FRS2: variants seen among roughly 807,000 people sequenced by gnomAD.
FRS2 encodes the protein fibroblast growth factor receptor substrate 2, also known as FGFR signalling adaptor.
FRS2 carries 8 observed loss-of-function variants against 43.9 expected under a neutral mutation model. That is an observed-to-expected ratio of 0.18 (90% CI 0.11 to 0.33). FRS2 has a LOEUF of 0.33. Among genes scored for constraint, FRS2 ranks in the 10% least tolerant of loss-of-function variants. FRS2 has a pLI of 1.00. For missense variants in FRS2, 534 were observed against 627.6 expected (o/e 0.85, Z 1.59); for synonymous variants, 219 against 220.3 (o/e 0.99, Z 0.05).
chr12:69,560,429 A>C (rs185497542), intron 3 of FRS2, among the ~76,000 whole-genome samples: 80 of 152,346 alleles, frequency 5.3e-4, no homozygotes, highest in Non-Finnish European at 1.0e-4. Flanking sequence ...TTGTTTTCAC[A>C]GCTAACATGT....
At chr12:69,476,161 G>A (rs891244805) in intron 1 of FRS2, among the ~76,000 whole-genome samples, 1 of 152,144 alleles carries the variant, frequency 6.6e-6, no homozygotes, top group African/African-American at 2.4e-5. Context: ...AAGGTTTGGG[G>A]TACATTCTGC....
chr12:69,482,533 A>T (rs1186377263), intron 1 of FRS2, among the ~76,000 whole-genome samples: 1 of 152,188 alleles, frequency 6.6e-6, no homozygotes, highest in Admixed American at 6.5e-5. Context: ...GTAGATAGTT[A>T]TTGGGAGCCT....
chr12:69,483,947 C>T (rs943537873), intron 1 of FRS2, among the ~76,000 whole-genome samples: 11 of 152,150 alleles, frequency 7.2e-5, no homozygotes, highest in South Asian at 2.1e-4. Flanking sequence ...ACTTACTAGG[C>T]GAGAAAGGTA....
chr12:69,567,903 A>G (rs1263338271), intron 4 of FRS2, among the ~76,000 whole-genome samples: 1 of 152,242 alleles, frequency 6.6e-6, no homozygotes, highest in African/African-American at 2.4e-5. Flanking sequence ...CGGATCTATC[A>G]TACTGAAGAG....
intron 3 of FRS2, among the ~76,000 whole-genome samples, chr12:69,552,045 C>A (rs1005439815): frequency 6.6e-6 from 1 of 151,912 alleles, no homozygotes; most frequent in Non-Finnish European, 1.5e-5. Flanking sequence ...GTGGCTCATG[C>A]CTGTAATCCC....
chr12:69,536,101 C>CCTTTTTTTTTTTTTT (rs1877251782), intron 3 of FRS2, among the ~76,000 whole-genome samples: 2 of 37,176 alleles, frequency 5.4e-5, no homozygotes, highest in African/African-American at 1.8e-4. Flanking sequence ...TATTTTCATT[C>CCTTTTTTTTTTTTTT]TTTTTTTTTT....
At chr12:69,517,893 C>T (rs1288127156) in intron 1 of FRS2, among the ~76,000 whole-genome samples, 1 of 152,084 alleles carries the variant, frequency 6.6e-6, no homozygotes, top group South Asian at 2.1e-4. Context: ...GGCATTTTCC[C>T]CCCACTCTAA....
intron 1 of FRS2, among the ~76,000 whole-genome samples, chr12:69,527,925 C>T (rs904479079): frequency 3.3e-5 from 5 of 152,080 alleles, no homozygotes; most frequent in Admixed American, 6.6e-5. Flanking sequence ...TCTTTGTACT[C>T]TTGGTTTATT....
chr12:69,470,549 G>C lies in FRS2; in HGVS notation c.-261+19G>C, dbSNP rs889219622. On this transcript the variant is annotated intron_variant, in intron 1 of 8. Coordinates refer to ENST00000549921, the MANE Select transcript of FRS2 (RefSeq NM_001278356.2). ...GCGGACGGTGAGTGGCTAGGGAAAC[G>C]GACTGGGACGGCCGCGGGCCCGCGT... The C allele has an allele frequency of 9.5e-5, 38 of 398,306 alleles. No individual in the cohort carries two copies. Among genetic ancestry groups the C allele is most frequent in the African/African-American group, 7.8e-4 (38 of 48,630 alleles). 24.7% of individuals were successfully genotyped at this position (398,306 alleles called of 1,614,324 possible). A position where few individuals can be genotyped will look rare whatever the true frequency, so the allele number is the denominator to read the frequency against.
At position 69,539,363 on chromosome 12, in the gene FRS2, C is replaced by T. The variant is rs1347028039; in HGVS notation, c.-122+7307C>T. Among the ~76,000 whole-genome samples, 3 of 152,170 alleles carry T rather than the reference C, an allele frequency of 2.0e-5. 1 individual carries two copies. The Middle Eastern group carries it at 0.01, about 518-fold the overall frequency. On this transcript the variant is annotated intron_variant, in intron 3 of 8. Coordinates refer to ENST00000549921, the MANE Select transcript of FRS2 (RefSeq NM_001278356.2). ...GTGCTGGGATTACAGGTGTGAGCAC[C>T]GTGCCCAGTTGGATTTCAGGGGGTT...
Position 69,470,424 on chromosome 12 carries a change from C to A in FRS2, c.-367C>A, listed in dbSNP as rs200008375. On this transcript the variant is annotated 5_prime_UTR_variant, in exon 1 of 9. Transcript: ENST00000549921. ...CCGGAGAGAGGCCTTGTAGGCACAG[C>A]GGCTGAGACTCGATCTGCTCCAAGT... The A allele has an allele frequency of 1.3e-5, 5 of 398,460 alleles. No individual in the cohort carries two copies. The highest frequency in any genetic ancestry group is 2.1e-5 in the African/African-American group (1 of 48,624). The allele number at this position is 398,460 out of a possible 1,614,324, so 24.7% of individuals were successfully genotyped here.
intron 1 of FRS2, among the ~76,000 whole-genome samples, chr12:69,522,798 C>T (rs1053802916): frequency 1.3e-5 from 2 of 152,220 alleles, no homozygotes; most frequent in Non-Finnish European, 2.9e-5. Flanking sequence ...TCTTTGTACT[C>T]ATTAGTTTCA....
At position 69,570,422 on chromosome 12, in the gene FRS2, A is replaced by T; in HGVS notation, c.158A>T (p.Asp53Val). The T allele has an allele frequency of 6.2e-7, 1 of 1,612,730 alleles. No homozygotes were observed. The highest frequency in any genetic ancestry group is 8.5e-7 in the Non-Finnish European group (1 of 1,178,746). The change falls in exon 6 of 9, where the codon GAC becomes GTC. Residue 53 changes from aspartate (D) to valine (V), a missense_variant. Asp to Val is a radical substitution (Grantham distance 152). This residue lies in a region of FRS2 where 76 missense variants were observed against 90.5 expected (regional missense o/e 0.84). Coordinates refer to ENST00000549921, the MANE Select transcript of FRS2 (RefSeq NM_001278356.2). ...CTGATTTTATACACCCGCAAACGTG[A>T]CTCAGTAAAATGGCACTACCTCTGC... ...TELILYTRKR[D>V]SVKWHYLCLR...
chr12:69,538,895 C>T (rs1877600594), intron 3 of FRS2, among the ~76,000 whole-genome samples: 1 of 151,982 alleles, frequency 6.6e-6, no homozygotes, highest in Non-Finnish European at 1.5e-5. Flanking sequence ...TTTTGTTATG[C>T]AAATTCTCCA....
chr12:69,476,318 CTTGT>C (rs1870767453), intron 1 of FRS2, among the ~76,000 whole-genome samples: 1 of 152,156 alleles, frequency 6.6e-6, no homozygotes. Context: ...CTCTAAATTA[CTTGT>C]TTAAGACTGT....
At chr12:69,536,101 C>CCTTTTTTTTTTTT (rs1877251782) in intron 3 of FRS2, among the ~76,000 whole-genome samples, 4 of 37,216 alleles carry the variant, frequency 1.1e-4, no homozygotes, top group African/African-American at 3.6e-4. Flanking sequence ...TATTTTCATT[C>CCTTTTTTTTTTTT]TTTTTTTTTT....
At chr12:69,501,730 C>T (rs576482624) in intron 1 of FRS2, among the ~76,000 whole-genome samples, 10 of 152,096 alleles carry the variant, frequency 6.6e-5, no homozygotes, top group East Asian at 1.9e-4. Flanking sequence ...AGGGTGTGGA[C>T]GGTTGTGTGG....
intron 1 of FRS2, among the ~76,000 whole-genome samples, chr12:69,511,833 G>A (rs757292672): frequency 6.6e-6 from 1 of 152,184 alleles, no homozygotes; most frequent in Non-Finnish European, 1.5e-5. Flanking sequence ...AATGAACAAT[G>A]TATGTAACCT....
chr12:69,578,829 A>T lies in FRS2; in HGVS notation c.*3874A>T, dbSNP rs535065601. On this transcript the variant is annotated 3_prime_UTR_variant, in exon 9 of 9. Transcript: ENST00000549921. ...GATTTTTAATTTTTTCTTTTATAAA[A>T]AATTGTCCAACAGTGGGACTACCAT... 6.5e-6 allele frequency: 1 copy of T among 152,730 alleles called. No individual in the cohort carries two copies. The highest frequency in any genetic ancestry group is 1.9e-4 in the East Asian group (1 of 5,188). The allele number at this position is 152,730 out of a possible 1,614,324, so 9.5% of individuals were successfully genotyped here. A position where few individuals can be genotyped will look rare whatever the true frequency, so the allele number is the denominator to read the frequency against.
Sources: allele counts gnomAD v4.1 joint callset (sites outside exome capture counted in the v4.1 genomes callset), GRCh38; gene constraint gnomAD v4.1.1; regional missense constraint gnomAD v4.1.1; transcripts MANE v1.5; gene names NCBI Gene and HGNC (gene_info 2026-07-23, HGNC 2026-07-21).